Variants in LRCH3 observed in about 807,000 individuals in gnomAD.
The protein encoded by LRCH3 is leucine rich repeats and calponin homology domain containing 3, also known as DISP complex protein LRCH3.
In LRCH3, 68 loss-of-function variants were observed where a neutral mutation model predicts 104.5. The observed-to-expected ratio is 0.65, with a 90% CI of 0.54 to 0.80. LRCH3 has a LOEUF of 0.80. Among genes scored for constraint, LRCH3 ranks in the 30% least tolerant of loss-of-function variants. The pLI is 0.00. For synonymous variants in LRCH3, 344 were observed against 361.3 expected, an observed-to-expected ratio of 0.95 and a Z score of 0.54; for missense variants, 951 against 953.9, an observed-to-expected ratio of 1.00 and a Z score of 0.04.
chr3:197,879,570 C>CG (rs1347475493), intron 20 of LRCH3, among the ~76,000 whole-genome samples: 15 of 151,678 alleles, frequency 9.9e-5, no homozygotes, highest in Non-Finnish European at 1.9e-4. Flanking sequence ...GGCGGGAACC[C>CG]GGGAGGCGGA....
chr3:197,828,703 CTTT>C (rs752665561), intron 5 of LRCH3, among the ~76,000 whole-genome samples: 2 of 112,824 alleles, frequency 1.8e-5, no homozygotes, highest in African/African-American at 6.9e-5. Flanking sequence ...ATATGTTACT[CTTT>C]TTTTTTTTTT....
Position 197,862,140 on chromosome 3 carries a change from C to T in LRCH3, c.1716+3235C>T, listed in dbSNP as rs552048552. ...CCTCCCGAGTAGCTGCGATTACAGG[C>T]GCATGCCACCACGCCCAGCTAATTT... On this transcript the variant is annotated intron_variant, in intron 15 of 20. Coordinates refer to ENST00000425562, the MANE Select transcript of LRCH3 (RefSeq NM_001365715.1). Among the ~76,000 whole-genome samples, 35 of 152,124 alleles carry T rather than the reference C, an allele frequency of 2.3e-4. 1 individual carries two copies. The highest frequency in any genetic ancestry group is 4.3e-4 in the Non-Finnish European group (29 of 68,020).
chr3:197,866,605 A>G (rs541882797), intron 17 of LRCH3, among the ~76,000 whole-genome samples: 18 of 152,306 alleles, frequency 1.2e-4, no homozygotes, highest in African/African-American at 2.4e-4. Flanking sequence ...AATAATGACA[A>G]ATTTCTCCCT....
chr3:197,879,500 G>GC lies in LRCH3; in HGVS notation c.2208+3727dup, dbSNP rs1426049499. ...TCTCTACTAAAAATACAAAAAATTAGCCGGGCGTGGTGGCGGGCGCCTGTA... is the reference window on the plus strand; with the variant it reads ...TCTCTACTAAAAATACAAAAAATTAGCCCGGGCGTGGTGGCGGGCGCCTGTA... On this transcript the variant is annotated intron_variant, in intron 20 of 20. Coordinates refer to ENST00000425562, the MANE Select transcript of LRCH3 (RefSeq NM_001365715.1). Among the ~76,000 whole-genome samples the GC allele has an allele frequency of 2.0e-5, 3 of 151,232 alleles. No homozygotes were observed. The East Asian group carries it at 5.8e-4, about 29-fold the overall frequency.
At chr3:197,815,632 T>G (rs1733715621) in intron 2 of LRCH3, among the ~76,000 whole-genome samples, 1 of 152,226 alleles carries the variant, frequency 6.6e-6, no homozygotes, top group African/African-American at 2.4e-5. Context: ...CCAATTACAT[T>G]TTCTAATTAG....
At chr3:197,868,982 CAT>C (rs1290086175) in intron 17 of LRCH3, among the ~76,000 whole-genome samples, 3 of 152,198 alleles carry the variant, frequency 2.0e-5, no homozygotes, top group Non-Finnish European at 2.9e-5. Flanking sequence ...TCAATAAAAA[CAT>C]TTTTAAGTGG....
chr3:197,817,346 C>CTGTGTGTGTGTG (rs551929841), intron 3 of LRCH3, 44 bp downstream of exon 3: 10 of 260,906 alleles, frequency 3.8e-5, no homozygotes, highest in African/African-American at 2.8e-4. Context: ...GTGTGTGTGT[C>CTGTGTGTGTGTG]TGTGTGTGTG....
At chr3:197,866,002 ATTTTAT>A (rs759768619) in intron 16 of LRCH3, 104 bp from the exon 17 acceptor site, 31 of 782,412 alleles carry the variant, frequency 4.0e-5, no homozygotes, top group Non-Finnish European at 6.3e-5. Context: ...AAATAGAATT[ATTTTAT>A]ATCATTGCCA....
At chr3:197,845,204 T>A (rs1469089726) in intron 10 of LRCH3, among the ~76,000 whole-genome samples, 1 of 150,928 alleles carries the variant, frequency 6.6e-6, no homozygotes, top group Admixed American at 6.6e-5. Flanking sequence ...AGCCCAGGAG[T>A]TCAAGACCAG....
chr3:197,832,400 T>G (rs1438346875), intron 8 of LRCH3, 83 bp downstream of exon 8: 1 of 1,440,952 alleles, frequency 6.9e-7, no homozygotes, highest in Non-Finnish European at 9.6e-7. Flanking sequence ...ACTCCTTTTG[T>G]TGGTGTATCT....
rs759305289 is a variant in LRCH3 at position 197,854,443 on chromosome 3, A to G, written c.1642A>G (p.Met548Val). The change falls in exon 14 of 21, where the codon ATG becomes GTG. Residue 548 changes from methionine (M) to valine (V), a missense_variant and splice_region_variant. By Grantham distance (21) the Met-to-Val change is conservative (BLOSUM62 1). Coordinates refer to ENST00000425562, the MANE Select transcript of LRCH3 (RefSeq NM_001365715.1). The surrounding 1 kb of genome is among the most constrained non-coding windows in gnomAD (Gnocchi z 4.5). ...SQHTDDSALCMSLSGLNQVGC... is the reference protein window; with the variant it reads ...SQHTDDSALCVSLSGLNQVGC... ...GCACACTGATGATAGTGCCTTGTGC[A>G]TGGTAAGAGTTTTGCACAAAACGGA... 3 of 1,613,930 alleles carry G rather than the reference A, an allele frequency of 1.9e-6. No homozygotes were observed. The highest frequency in any genetic ancestry group is 2.5e-6 in the Non-Finnish European group (3 of 1,179,906).
At chr3:197,838,124 G>GT (rs1560564199) in intron 9 of LRCH3, among the ~76,000 whole-genome samples, 1 of 151,798 alleles carries the variant, frequency 6.6e-6, no homozygotes, top group Admixed American at 6.6e-5. Flanking sequence ...TGTGTTTATT[G>GT]TTTAAAGTGG....
chr3:197,844,099 A>G (rs1738233516), intron 10 of LRCH3, among the ~76,000 whole-genome samples: 1 of 152,192 alleles, frequency 6.6e-6, no homozygotes, highest in Non-Finnish European at 1.5e-5. Flanking sequence ...TAGGGGTGAA[A>G]CGTTCTAGGT....
rs565804399 is a variant in LRCH3, at chr3:197,800,744, T to G, written c.262+9204T>G. Among the ~76,000 whole-genome samples the G allele has an allele frequency of 1.9e-4, 29 of 152,298 alleles. No individual in the cohort carries two copies. The East Asian group carries it at 4.8e-3, about 25-fold the overall frequency. On this transcript the variant is annotated intron_variant, in intron 1 of 20. Coordinates refer to ENST00000425562, the MANE Select transcript of LRCH3 (RefSeq NM_001365715.1). Reference sequence around the variant, plus strand: ...GACTGTCCATAGCATTATTCATATTTGACAAAATAGAAACAACTTAAGTGA... The same window carrying G: ...GACTGTCCATAGCATTATTCATATTGGACAAAATAGAAACAACTTAAGTGA...
chr3:197,828,770 C>T (rs190946832), intron 5 of LRCH3, among the ~76,000 whole-genome samples: 116 of 137,338 alleles, frequency 8.4e-4, no homozygotes, highest in African/African-American at 2.7e-3. Flanking sequence ...TGCAATGGTG[C>T]GATCTCGGCT....
chr3:197,792,432 T>C (rs962770321), intron 1 of LRCH3, among the ~76,000 whole-genome samples: 50 of 149,810 alleles, frequency 3.3e-4, no homozygotes, highest in African/African-American at 1.2e-3. Flanking sequence ...GAACAGTGTC[T>C]GGTGCCCGAG....
chr3:197,847,009 G>A (rs149235847), intron 10 of LRCH3, among the ~76,000 whole-genome samples: 1 of 152,202 alleles, frequency 6.6e-6, no homozygotes, highest in African/African-American at 2.4e-5. Context: ...GTACAGTTAC[G>A]AGGTTCTGTA....
chr3:197,859,519 G>A, intron 15 of LRCH3: 1 of 152,200 alleles, frequency 6.6e-6, no homozygotes, highest in East Asian at 1.9e-4. Flanking sequence ...TGTCATAAGA[G>A]ATGATACATT....
chr3:197,863,362 A>G (rs1333674822), intron 15 of LRCH3, among the ~76,000 whole-genome samples: 2 of 152,100 alleles, frequency 1.3e-5, no homozygotes, highest in East Asian at 3.9e-4. Flanking sequence ...TCCATGTTCA[A>G]GCGATTCTCC....
Sources: allele counts gnomAD v4.1 joint callset (sites outside exome capture counted in the v4.1 genomes callset), GRCh38; gene constraint gnomAD v4.1.1; non-coding constraint Gnocchi (gnomAD v3.1); transcripts MANE v1.5; gene names NCBI Gene and HGNC (gene_info 2026-07-23, HGNC 2026-07-21).